Variants in PATJ observed in about 807,000 individuals in gnomAD.
PATJ encodes inaD-like protein.
A neutral mutation model predicts 224.9 loss-of-function variants in PATJ; 190 were observed. That is an observed-to-expected ratio of 0.84 (90% CI 0.75 to 0.95). The LOEUF is 0.95. PATJ is among the 40% of genes least tolerant of loss of function. PATJ has a pLI of 0.00. For missense variants in PATJ, 2,121 were observed against 2,270.3 expected (o/e 0.93, Z 1.34); for synonymous variants, 769 against 820.3 (o/e 0.94, Z 1.07).
At chr1:61,879,970 C>A (rs989354793) in intron 21 of PATJ, among the ~76,000 whole-genome samples, 5 of 152,040 alleles carry the variant, frequency 3.3e-5, no homozygotes, top group African/African-American at 1.2e-4. Context: ...TCCTGAGTAG[C>A]TGGGATTACA....
At chr1:61,963,065 A>G (rs1438714288) in intron 27 of PATJ, among the ~76,000 whole-genome samples, 1 of 152,252 alleles carries the variant, frequency 6.6e-6, no homozygotes, top group East Asian at 1.9e-4. Context: ...ACATATGCCC[A>G]GCTAAAAAAT....
chr1:62,096,634 A>G (rs1037444210), intron 33 of PATJ, among the ~76,000 whole-genome samples: 5 of 152,146 alleles, frequency 3.3e-5, no homozygotes, highest in Non-Finnish European at 7.4e-5. Flanking sequence ...CCTTAGAGTC[A>G]TGAATTTTGA....
intron 28 of PATJ, among the ~76,000 whole-genome samples, chr1:62,009,266 T>C (rs535123570): frequency 6.6e-6 from 1 of 152,250 alleles, no homozygotes; most frequent in African/African-American, 2.4e-5. Context: ...TCAGATAGAT[T>C]ATGGGTTCCA....
chr1:61,836,294 T>C (rs1441527062), intron 17 of PATJ, among the ~76,000 whole-genome samples: 1 of 152,236 alleles, frequency 6.6e-6, no homozygotes, highest in Non-Finnish European at 1.5e-5. Context: ...CCTTTTCCTC[T>C]TATTTACCTC....
intron 24 of PATJ, among the ~76,000 whole-genome samples, chr1:61,905,302 A>G (rs1671710060): frequency 6.6e-6 from 1 of 152,180 alleles, no homozygotes; most frequent in Non-Finnish European, 1.5e-5. Flanking sequence ...GGTCTCTTTT[A>G]TAAGGCCACT....
At chr1:61,836,549 T>C (rs1660207905) in intron 17 of PATJ, among the ~76,000 whole-genome samples, 1 of 152,238 alleles carries the variant, frequency 6.6e-6, no homozygotes, top group South Asian at 2.1e-4. Context: ...TAAGTCAGTC[T>C]TAAGTGTACT....
chr1:61,822,856 G>A, intron 14 of PATJ, 89 bp from the exon 15 acceptor site: 3 of 1,471,530 alleles, frequency 2.0e-6, no homozygotes, highest in African/African-American at 1.4e-5. Flanking sequence ...AAGAGGTGGG[G>A]TTTTTCACTT....
At chr1:61,747,743 CAG>C (rs1319553051) in intron 1 of PATJ, among the ~76,000 whole-genome samples, 1 of 152,144 alleles carries the variant, frequency 6.6e-6, no homozygotes, top group Non-Finnish European at 1.5e-5. Context: ...CAAAACCAAA[CAG>C]GGATCTTTCT....
chr1:61,810,747 C>T (rs190403691), intron 14 of PATJ, among the ~76,000 whole-genome samples: 1 of 146,146 alleles, frequency 6.8e-6, no homozygotes, highest in African/African-American at 2.6e-5. Context: ...AATAAATAAA[C>T]CCAGTCTGTA....
intron 20 of PATJ, among the ~76,000 whole-genome samples, chr1:61,874,011 C>T (rs1445671219): frequency 2.0e-5 from 3 of 151,830 alleles, no homozygotes; most frequent in South Asian, 2.1e-4. Context: ...TCAGTGTGTC[C>T]GTGTGCCTAA....
At chr1:62,011,718 G>GT (rs1646461752) in intron 28 of PATJ, among the ~76,000 whole-genome samples, 2 of 100,712 alleles carry the variant, frequency 2.0e-5, no homozygotes, top group African/African-American at 5.2e-5. Context: ...CTTTCCATTT[G>GT]TAAAAAAAAA....
In PATJ at chr1:62,135,107, A is replaced by G. The variant is rs568205528; in HGVS notation, c.5271+6162A>G. Among the ~76,000 whole-genome samples the G allele has an allele frequency of 3.3e-5, 5 of 152,274 alleles. No homozygotes were observed. In the South Asian group the frequency reaches 8.3e-4, roughly 25 times the overall value. The stretch of plus-strand genomic sequence containing the variant: ...CCTGGGCCCCACCCCAGAGGTTCAG[A>G]TTTAATTTTTCTGGGATATGGCATG... On this transcript the variant is annotated intron_variant, in intron 41 of 43. Transcript: ENST00000642238.
In PATJ at chr1:61,794,200, A is replaced by C. The variant is rs1431164391; in HGVS notation, c.1169-1267A>C. Reference sequence around the variant, plus strand: ...TACAGGCGTGAGCCACTGTGCCCGGACTTTTTTTTTTTCTTTAAGAGACAA... The same window carrying C: ...TACAGGCGTGAGCCACTGTGCCCGGCCTTTTTTTTTTTCTTTAAGAGACAA... On this transcript the variant is annotated intron_variant, in intron 9 of 43. Transcript: ENST00000642238. Among the ~76,000 whole-genome samples, 105 of 145,762 alleles carry C rather than the reference A, an allele frequency of 7.2e-4. 3 individuals are homozygous for C. Among genetic ancestry groups the C allele is most frequent in the Admixed American group, 6.9e-3 (101 of 14,610 alleles).
At position 62,079,512 on chromosome 1, in the gene PATJ, A is replaced by G. The variant is rs769828293; in HGVS notation, c.4188A>G (p.Ile1396Met). The change falls in exon 32 of 44, where the codon ATA becomes ATG. Residue 1396 changes from isoleucine to methionine, a missense_variant. By Grantham distance (10) the Ile-to-Met change is conservative. Transcript: ENST00000642238. The part of the protein sequence containing the change: ...PTKVSFSSQE[I>M]PLAPASSYHS... ...AAGTCTCCTTCAGTTCACAAGAGAT[A>G]CCATTAGCACCAGCTTCATCATACC... The G allele has an allele frequency of 1.2e-6, 2 of 1,613,924 alleles. No individual in the cohort carries two copies. The highest frequency in any genetic ancestry group is 3.3e-5 in the Admixed American group (2 of 60,024).
chr1:61,756,890 T>A (rs1570284769), intron 1 of PATJ, among the ~76,000 whole-genome samples: 1 of 152,018 alleles, frequency 6.6e-6, no homozygotes, highest in Non-Finnish European at 1.5e-5. Context: ...AAATTTACAA[T>A]GAGAGTTTTC....
rs1412209732 is a variant in PATJ at position 62,161,068 on chromosome 1, T to C, written c.*14T>C. ...GTGCTGTCATGAGCCTCGGGCCTGA[T>C]CACAAGATAGATGTTGTTGTTTAGA... On this transcript the variant is annotated 3_prime_UTR_variant, in exon 44 of 44. Transcript: ENST00000642238. 2.1e-6 allele frequency: 3 copies of C among 1,450,424 alleles called. No homozygotes were observed. Among genetic ancestry groups the C allele is most frequent in the African/African-American group, 2.8e-5 (2 of 71,024 alleles). The allele number at this position is 1,450,424 out of a possible 1,614,324, so 89.8% of individuals were successfully genotyped here.
At chr1:62,041,034 A>G (rs1239295718) in intron 30 of PATJ, among the ~76,000 whole-genome samples, 1 of 152,196 alleles carries the variant, frequency 6.6e-6, no homozygotes, top group Non-Finnish European at 1.5e-5. Flanking sequence ...ATCTTTAACA[A>G]AAATGGTAAA....
Position 62,161,331 on chromosome 1 carries a change from CTTTTTTTTT to C in PATJ, c.*294_*302del, listed in dbSNP as rs557464862. ...GCATTTAATTTCAGTGTTCCGATTT[CTTTTTTTTT>C]TTTTTTTTTTTTTTTTGAGACGGAG... On this transcript the variant is annotated 3_prime_UTR_variant, in exon 44 of 44. Coordinates refer to ENST00000642238, the MANE Select transcript of PATJ (RefSeq NM_001350145.3). The C allele has an allele frequency of 2.7e-4, 25 of 92,932 alleles. No homozygotes were observed. The highest frequency in any genetic ancestry group is 2.0e-3 in the East Asian group (6 of 2,970). 5.8% of individuals were successfully genotyped at this position (92,932 alleles called of 1,614,324 possible).
rs369248207 is a variant in PATJ at position 61,899,537 on chromosome 1, A to C, written c.3132-46A>C. The C allele has an allele frequency of 2.1e-5, 28 of 1,303,116 alleles. 1 individual carries two copies. Among genetic ancestry groups the C allele is most frequent in the Non-Finnish European group, 2.9e-5 (27 of 920,144 alleles). 80.7% of individuals were successfully genotyped at this position (1,303,116 alleles called of 1,614,324 possible). A position where few individuals can be genotyped will look rare whatever the true frequency, so the allele number is the denominator to read the frequency against. On this transcript the variant is annotated intron_variant, in intron 22 of 43. Transcript: ENST00000642238. ...AACCTTCCAAGGACCTTTAATAATG[A>C]GTATGCCCTAAAATTGTGTGTATTT...
Sources: allele counts gnomAD v4.1 joint callset (sites outside exome capture counted in the v4.1 genomes callset), GRCh38; gene constraint gnomAD v4.1.1; transcripts MANE v1.5; gene names NCBI Gene and HGNC (gene_info 2026-07-23, HGNC 2026-07-21).